The following EBF1 variants were observed in gnomAD, a reference collection of about 807,000 sequenced individuals.
EBF1 encodes EBF transcription factor 1.
Under a neutral mutation model 68.4 loss-of-function variants are expected in EBF1, and 10 were observed. The ratio of observed to expected loss-of-function variants is 0.15; its 90% confidence interval spans 0.09 to 0.25. The LOEUF is 0.25. EBF1 is among the 10% of genes least tolerant of loss of function. The pLI is 1.00. For missense variants in EBF1, 509 were observed against 794.4 expected, an observed-to-expected ratio of 0.64 and a Z score of 4.32; for synonymous variants, 298 against 299.8, an observed-to-expected ratio of 0.99 and a Z score of 0.06.
intron 9 of EBF1, among the ~76,000 whole-genome samples, chr5:158,782,653 T>C (rs1776659985): frequency 6.6e-6 from 1 of 152,056 alleles, no homozygotes; most frequent in African/African-American, 2.4e-5. Flanking sequence ...AGAGCAAGAC[T>C]GTCTCAGAAA....
At chr5:158,943,554 C>G (rs1583357659) in intron 6 of EBF1, among the ~76,000 whole-genome samples, 3 of 152,326 alleles carry the variant, frequency 2.0e-5, no homozygotes, top group Non-Finnish European at 4.4e-5. Context: ...CTAAACAGAA[C>G]AGGTCTCTCT....
intron 10 of EBF1, among the ~76,000 whole-genome samples, chr5:158,745,487 A>G (rs1561807842): frequency 6.6e-6 from 1 of 152,194 alleles, no homozygotes; most frequent in African/African-American, 2.4e-5. Context: ...AGGTACACAG[A>G]AGACTCTTTG....
At chr5:158,721,194 C>T (rs2127516994) in intron 11 of EBF1, among the ~76,000 whole-genome samples, 1 of 152,200 alleles carries the variant, frequency 6.6e-6, no homozygotes, top group Middle Eastern at 3.4e-3. Flanking sequence ...AGATGACAGC[C>T]CTCTTACTTC....
At chr5:158,993,257 A>C (rs1042954175) in intron 6 of EBF1, among the ~76,000 whole-genome samples, 5 of 152,092 alleles carry the variant, frequency 3.3e-5, no homozygotes, top group African/African-American at 1.2e-4. Context: ...TGTGTTGCCC[A>C]GGCTGGTCTC....
chr5:158,835,013 C>G (rs144982626), intron 7 of EBF1, among the ~76,000 whole-genome samples: 7 of 152,340 alleles, frequency 4.6e-5, no homozygotes, highest in Middle Eastern at 3.4e-3. Context: ...GCCAGAAAGA[C>G]ACTCTTTCAC....
chr5:158,796,488 A>G lies in EBF1; in HGVS notation c.779-13T>C. On this transcript the variant is annotated splice_polypyrimidine_tract_variant and intron_variant, in intron 8 of 15. Coordinates refer to ENST00000313708, the MANE Select transcript of EBF1 (RefSeq NM_024007.5). ...ATACAGGGAGTAGCTGCTTTTCAAC[A>G]CACATGAAAAAGAGAAGGAGTCTGC... is the stretch of plus-strand genomic sequence containing the variant. The G allele has an allele frequency of 3.1e-6, 5 of 1,608,872 alleles. No homozygotes were observed. The highest frequency in any genetic ancestry group is 4.2e-6 in the Non-Finnish European group (5 of 1,177,342).
At chr5:158,905,865 G>A (rs1302328627) in intron 6 of EBF1, among the ~76,000 whole-genome samples, 1 of 152,140 alleles carries the variant, frequency 6.6e-6, no homozygotes, top group African/African-American at 2.4e-5. Context: ...CCTTGCCCTG[G>A]CCCCACTTAG....
intron 10 of EBF1, among the ~76,000 whole-genome samples, chr5:158,736,081 C>T (rs1463714831): frequency 6.6e-6 from 1 of 152,146 alleles, no homozygotes; most frequent in Non-Finnish European, 1.5e-5. Flanking sequence ...CTTTTCATGC[C>T]TATAGTCTCT....
chr5:158,705,223 C>T (rs2127468584), intron 15 of EBF1, among the ~76,000 whole-genome samples: 1 of 152,318 alleles, frequency 6.6e-6, no homozygotes, highest in East Asian at 1.9e-4. Context: ...TCAGGTGATC[C>T]ACCTGCCTCA....
At chr5:159,091,908 G>A (rs1257249520) in intron 4 of EBF1, among the ~76,000 whole-genome samples, 9 of 152,140 alleles carry the variant, frequency 5.9e-5, no homozygotes, top group Non-Finnish European at 1.3e-4. Context: ...TTCTCAAGCA[G>A]GCTTTTGTTT....
At chr5:159,018,735 T>A (rs997786259) in intron 6 of EBF1, among the ~76,000 whole-genome samples, 6 of 152,208 alleles carry the variant, frequency 3.9e-5, no homozygotes, top group African/African-American at 1.4e-4. Flanking sequence ...TAAGAATTAT[T>A]CTTTTTGCCT....
At position 159,095,601 on chromosome 5, in the gene EBF1, C is replaced by A; in HGVS notation, c.411+19G>T. 1 of 1,613,550 alleles carries A rather than the reference C, an allele frequency of 6.2e-7. No individual in the cohort carries two copies. Among genetic ancestry groups the A allele is most frequent in the African/African-American group, 1.3e-5 (1 of 74,978 alleles). On this transcript the variant is annotated intron_variant, in intron 4 of 15. Transcript: ENST00000313708. ...TTTGTGACATAGAGCCCCCCGTGGC[C>A]CAAAATCAAGAAACTTACTTGTTTT...
chr5:158,915,099 T>C (rs1365314751), intron 6 of EBF1, among the ~76,000 whole-genome samples: 2 of 152,094 alleles, frequency 1.3e-5, no homozygotes, highest in Admixed American at 6.5e-5. Context: ...ACAGTGAAAA[T>C]GGGGCGGGCC....
intron 7 of EBF1, among the ~76,000 whole-genome samples, chr5:158,823,950 G>A (rs537824688): frequency 6.7e-6 from 1 of 149,632 alleles, no homozygotes; most frequent in South Asian, 2.2e-4. Flanking sequence ...AAAAAAAACT[G>A]GTGGGAATGG....
chr5:158,709,951 C>A (rs1205561357), intron 14 of EBF1, among the ~76,000 whole-genome samples: 1 of 151,788 alleles, frequency 6.6e-6, no homozygotes, highest in Non-Finnish European at 1.5e-5. Flanking sequence ...GGGTGGGGGG[C>A]CAGTTAACAG....
At chr5:158,803,354 G>GTT (rs34836103) in intron 8 of EBF1, among the ~76,000 whole-genome samples, 3 of 134,022 alleles carry the variant, frequency 2.2e-5, no homozygotes, top group Non-Finnish European at 3.2e-5. Flanking sequence ...TTTTGCTGGT[G>GTT]TTTTTTTTTT....
chr5:158,758,762 C>G (rs1770713597), intron 10 of EBF1, among the ~76,000 whole-genome samples: 1 of 152,042 alleles, frequency 6.6e-6, no homozygotes, highest in African/African-American at 2.4e-5. Context: ...TTGTACTTCC[C>G]AAACATGGCG....
chr5:159,096,763 A>AGGGG lies in EBF1; in HGVS notation c.291+210_291+211insCCCC, dbSNP rs1369939316. ...TGTAGAGCCAGGCTTGCCTCTCTCT[A>AGGGG]GCTCTGGGGGCTCCGTGCGAACTTT... On this transcript the variant is annotated intron_variant, in intron 2 of 15. Transcript: ENST00000313708. 6.5e-3 allele frequency among the ~76,000 whole-genome samples: 997 copies of AGGGG among 152,244 alleles called. 12 individuals are homozygous for AGGGG. The highest frequency in any genetic ancestry group is 0.023 in the African/African-American group (935 of 41,516).
intron 9 of EBF1, among the ~76,000 whole-genome samples, chr5:158,785,337 G>A (rs886261088): frequency 1.4e-4 from 21 of 152,166 alleles, no homozygotes; most frequent in African/African-American, 3.9e-4. Context: ...GTTGCTAAAG[G>A]AAGCTGAAAT....
Sources: allele counts gnomAD v4.1 joint callset (sites outside exome capture counted in the v4.1 genomes callset), GRCh38; gene constraint gnomAD v4.1.1; transcripts MANE v1.5; gene names NCBI Gene and HGNC (gene_info 2026-07-23, HGNC 2026-07-21).